The following TEX36 variants were observed in gnomAD, a reference collection of about 807,000 sequenced individuals.
TEX36 encodes the protein testis-expressed protein 36.
In TEX36, 12 loss-of-function variants were observed where a neutral mutation model predicts 13.6. The observed-to-expected ratio is 0.88, with a 90% CI of 0.56 to 1.43. TEX36 has a LOEUF of 1.43. Ranked by LOEUF, TEX36 falls within the 40% of genes most tolerant of loss-of-function variation. The probability of loss-of-function intolerance (pLI) is 0.00; values close to 1 mark genes in which losing one functional copy is unlikely to be tolerated. For missense variants in TEX36, 224 were observed against 228.3 expected, an observed-to-expected ratio of 0.98 and a Z score of 0.12; for synonymous variants, 93 against 83.0, an observed-to-expected ratio of 1.12 and a Z score of -0.65.
At chr10:125,647,071 AG>A (rs1249411427) in intron 3 of TEX36, among the ~76,000 whole-genome samples, 1 of 152,246 alleles carries the variant, frequency 6.6e-6, no homozygotes, top group African/African-American at 2.4e-5. Flanking sequence ...CATAACAAAT[AG>A]AGTTTGTCCC....
At chr10:125,674,926 C>T (rs1421150091) in intron 1 of TEX36, among the ~76,000 whole-genome samples, 1 of 152,280 alleles carries the variant, frequency 6.6e-6, no homozygotes, top group Non-Finnish European at 1.5e-5. Flanking sequence ...TAACGAAGCA[C>T]TCTGGCTGCC....
At chr10:125,602,909 T>G (rs1589750081) in intron 3 of TEX36, among the ~76,000 whole-genome samples, 1 of 152,252 alleles carries the variant, frequency 6.6e-6, no homozygotes, top group Non-Finnish European at 1.5e-5. Context: ...GACAGCCTGA[T>G]GATTACATGA....
At chr10:125,584,208 C>A (rs1248968393) in intron 3 of TEX36, among the ~76,000 whole-genome samples, 1 of 152,244 alleles carries the variant, frequency 6.6e-6, no homozygotes, top group Non-Finnish European at 1.5e-5. Flanking sequence ...CTGAAAGACT[C>A]CAGGCAAGAC....
intron 1 of TEX36, among the ~76,000 whole-genome samples, chr10:125,680,480 A>T (rs1222277779): frequency 6.6e-6 from 1 of 152,172 alleles, no homozygotes; most frequent in Non-Finnish European, 1.5e-5. Context: ...GCTTTTTAAC[A>T]AGTTGGCGGT....
intron 3 of TEX36, among the ~76,000 whole-genome samples, chr10:125,589,568 A>G (rs1396861197): frequency 6.6e-6 from 1 of 152,196 alleles, no homozygotes; most frequent in Non-Finnish European, 1.5e-5. Context: ...TGTAAATTTG[A>G]TCAGTATTGG....
downstream of TEX36, among the ~76,000 whole-genome samples, chr10:125,651,591 C>G (rs1351912641): frequency 2.0e-5 from 3 of 152,304 alleles, no homozygotes; most frequent in Admixed American, 6.5e-5. Context: ...TGGCACAAGA[C>G]AGGGATGCCC....
intron 3 of TEX36, among the ~76,000 whole-genome samples, chr10:125,622,741 C>T (rs1452379532): frequency 6.6e-6 from 1 of 152,244 alleles, no homozygotes; most frequent in Non-Finnish European, 1.5e-5. Flanking sequence ...CACACATACT[C>T]TTCCTTACCT....
At chr10:125,631,456 G>A (rs962444193) in intron 3 of TEX36, among the ~76,000 whole-genome samples, 23 of 152,114 alleles carry the variant, frequency 1.5e-4, no homozygotes, top group African/African-American at 4.3e-4. Flanking sequence ...TGTCATCGCC[G>A]GAATGAGAGA....
chr10:125,676,980 T>C (rs1035138477), intron 1 of TEX36, among the ~76,000 whole-genome samples: 3 of 152,260 alleles, frequency 2.0e-5, no homozygotes. Flanking sequence ...AGAAATAGCA[T>C]TCTTGACTGG....
intron 1 of TEX36, among the ~76,000 whole-genome samples, chr10:125,678,524 C>T (rs1246814960): frequency 6.6e-6 from 1 of 152,070 alleles, no homozygotes; most frequent in Non-Finnish European, 1.5e-5. Context: ...TGCTTTGATA[C>T]TAGTAGTGGC....
intron 3 of TEX36, among the ~76,000 whole-genome samples, chr10:125,604,483 C>T (rs1846190785): frequency 6.6e-6 from 1 of 151,320 alleles, no homozygotes; most frequent in Non-Finnish European, 1.5e-5. Context: ...CAAGACCAGC[C>T]TAGGCAACAT....
chr10:125,611,043 G>A (rs1397373648), intron 3 of TEX36, among the ~76,000 whole-genome samples: 7 of 151,938 alleles, frequency 4.6e-5, no homozygotes, highest in African/African-American at 9.7e-5. Flanking sequence ...TCATTTAATC[G>A]TATATTGTGA....
At chr10:125,619,214 T>C (rs1009776430), downstream of TEX36, among the ~76,000 whole-genome samples, 4 of 151,866 alleles carry the variant, frequency 2.6e-5, no homozygotes, top group Non-Finnish European at 4.4e-5. Flanking sequence ...AGACAGATCG[T>C]GGAGAAAATA....
chr10:125,642,142 G>A (rs1846702032), intron 3 of TEX36, among the ~76,000 whole-genome samples: 1 of 152,212 alleles, frequency 6.6e-6, no homozygotes, highest in Non-Finnish European at 1.5e-5. Flanking sequence ...GAGAGAAGAG[G>A]CAGAAGGCTC....
chr10:125,628,920 T>C (rs1411925752), intron 3 of TEX36, among the ~76,000 whole-genome samples: 3 of 152,304 alleles, frequency 2.0e-5, no homozygotes, highest in Admixed American at 6.5e-5. Context: ...AGTTTCATGC[T>C]TTATATCCAC....
intron 1 of TEX36, among the ~76,000 whole-genome samples, chr10:125,669,601 CTTTATTTTAA>C (rs1268365998): frequency 6.6e-6 from 1 of 151,844 alleles, no homozygotes. Context: ...ATTTATTTAA[CTTTATTTTAA>C]GTTCTGGGAT....
chr10:125,630,942 C>T (rs1023637505), intron 3 of TEX36, among the ~76,000 whole-genome samples: 1 of 151,092 alleles, frequency 6.6e-6, no homozygotes, highest in Non-Finnish European at 1.5e-5. Flanking sequence ...GGGTCAGGCT[C>T]CAGGGAAGGG....
At chr10:125,597,979 T>G (rs1460541891) in intron 3 of TEX36, among the ~76,000 whole-genome samples, 4 of 152,244 alleles carry the variant, frequency 2.6e-5, no homozygotes, top group African/African-American at 9.6e-5. Context: ...ACTTTCTTAA[T>G]TGCTGATTAT....
rs191951057 is a variant in TEX36 at position 125,644,016 on chromosome 10, A to T, written c.264+17005T>A. 3.3e-5 allele frequency among the ~76,000 whole-genome samples: 5 copies of T among 152,370 alleles called. No individual in the cohort carries two copies. The East Asian group carries it at 9.6e-4, about 29-fold the overall frequency. ...TGCACCATGCAATAAAGGCAAATAG[A>T]CACAACAATACCCAAGGAAGCCAAG... On this transcript the variant is annotated intron_variant, in intron 3 of 3. Transcript: ENST00000526819.
Sources: gnomAD v4.1 joint callset for allele counts (sites outside exome capture counted in the v4.1 genomes callset) on GRCh38, gnomAD v4.1.1 for gene constraint, MANE v1.5 for transcripts, NCBI Gene and HGNC (gene_info 2026-07-23, HGNC 2026-07-21) for gene names.